The following ZSCAN1 variants were observed in gnomAD, a reference collection of about 807,000 sequenced individuals.
ZSCAN1 encodes the protein zinc finger and SCAN domain-containing protein 1.
A neutral mutation model predicts 23.8 loss-of-function variants in ZSCAN1; 23 were observed. The ratio of observed to expected loss-of-function variants is 0.97; its 90% CI spans 0.70 to 1.37. ZSCAN1 has a LOEUF of 1.37. ZSCAN1 is among the 40% of genes most tolerant of loss of function. ZSCAN1 has a pLI of 0.00. For synonymous variants in ZSCAN1, 236 were observed against 232.3 expected (o/e 1.02, Z -0.15); for missense variants, 575 against 554.0 (o/e 1.04, Z -0.38).
At chr19:58,036,949 G>A (rs1259170305) in intron 2 of ZSCAN1, among the ~76,000 whole-genome samples, 1 of 152,218 alleles carries the variant, frequency 6.6e-6, no homozygotes, top group African/African-American at 2.4e-5. Context: ...CTCCCAAAGT[G>A]CTGGGATTAC....
In ZSCAN1 at chr19:58,053,751, G is replaced by A. The variant is rs758364788; in HGVS notation, c.927G>A (p.Glu309=). 54 of 1,613,918 alleles carry A rather than the reference G, an allele frequency of 3.3e-5. No individual in the cohort carries two copies. The highest frequency in any genetic ancestry group is 1.8e-4 in the Admixed American group (11 of 60,002). ...TCACCTGGGTCACCCACTTCATCGA[G>A]CACCAGAAGACCCATCGCGAGGAAG... ...MVFTWVTHFI[E]HQKTHREEGP... The change falls in exon 6 of 6, where the codon GAG becomes GAA. Residue 309 remains glutamate (E), a synonymous_variant. Transcript: ENST00000282326. This position sits in a 1 kb window ranked among gnomAD's most constrained non-coding sequence, Gnocchi z 5.8.
At chr19:58,055,785 C>T (rs1436366930), downstream of ZSCAN1, among the ~76,000 whole-genome samples, 2 of 152,182 alleles carry the variant, frequency 1.3e-5, no homozygotes, top group Non-Finnish European at 2.9e-5. Flanking sequence ...CAGAGTTGCA[C>T]AAGAAAGTGG....
chr19:58,055,582 C>G (rs1324827751), downstream of ZSCAN1, among the ~76,000 whole-genome samples: 1 of 152,204 alleles, frequency 6.6e-6, no homozygotes, highest in Non-Finnish European at 1.5e-5. Flanking sequence ...CTTGGCCCCG[C>G]AGTCAGCCCA....
Position 58,053,872 on chromosome 19 carries a change from A to G in ZSCAN1, c.1048A>G (p.Lys350Glu). The G allele has an allele frequency of 6.2e-7, 1 of 1,613,752 alleles. No individual in the cohort carries two copies. Among genetic ancestry groups the G allele is most frequent in the Non-Finnish European group, 8.5e-7 (1 of 1,179,746 alleles). Residue 350 changes from lysine (K) to glutamate (E), a missense_variant, in exon 6 of 6, where the codon AAA becomes GAA. Coordinates refer to ENST00000282326, the MANE Select transcript of ZSCAN1 (RefSeq NM_182572.4). The surrounding 1 kb of genome is among the most constrained non-coding windows in gnomAD (Gnocchi z 5.8). Reference sequence around the variant, plus strand: ...CCACCTGCTGGAGCCACCGAGGAAGAAAGCCCCCCGGAGCAAGGGCCCCCG... The same window carrying G: ...CCACCTGCTGGAGCCACCGAGGAAGGAAGCCCCCCGGAGCAAGGGCCCCCG... ...KIHLLEPPRK[K>E]APRSKGPRES...
At chr19:58,044,769 C>T (rs545732627) in intron 4 of ZSCAN1, 16 of 723,316 alleles carry the variant, frequency 2.2e-5, no homozygotes, top group Non-Finnish European at 4.1e-5. Flanking sequence ...CCCACCCTGC[C>T]TACCCGTGCT....
rs1021390770 is a variant in ZSCAN1, at chr19:58,049,683, G to A, written c.466-2807G>A. 3.3e-5 allele frequency among the ~76,000 whole-genome samples: 5 copies of A among 152,202 alleles called. No individual in the cohort carries two copies. Among genetic ancestry groups the A allele is most frequent in the South Asian group, 4.1e-4 (2 of 4,820 alleles). On this transcript the variant is annotated intron_variant, in intron 4 of 5. Transcript: ENST00000282326. This position sits in a 1 kb window ranked among gnomAD's most constrained non-coding sequence, Gnocchi z 4.5. Reference sequence around the variant, plus strand: ...TTGAGGGTAGCACTCTAAGGTCCCTGAGATCCCATGGGCGTATCTCCCTGA... The same window carrying A: ...TTGAGGGTAGCACTCTAAGGTCCCTAAGATCCCATGGGCGTATCTCCCTGA...
At chr19:58,044,080 G>A (rs1367429871) in intron 4 of ZSCAN1, among the ~76,000 whole-genome samples, 1 of 151,940 alleles carries the variant, frequency 6.6e-6, no homozygotes, top group Non-Finnish European at 1.5e-5. Context: ...AGACCAGCGT[G>A]GCCAACATGG....
Position 58,040,623 on chromosome 19 carries a change from C to A in ZSCAN1, c.465+79C>A. The A allele has an allele frequency of 1.4e-6, 2 of 1,419,434 alleles. No individual in the cohort carries two copies. Among genetic ancestry groups the A allele is most frequent in the Non-Finnish European group, 2.0e-6 (2 of 1,010,666 alleles). 87.9% of individuals were successfully genotyped at this position (1,419,434 alleles called of 1,614,324 possible). A position where few individuals can be genotyped will look rare whatever the true frequency, so the allele number is the denominator to read the frequency against. On this transcript the variant is annotated intron_variant, in intron 4 of 5. Coordinates refer to ENST00000282326, the MANE Select transcript of ZSCAN1 (RefSeq NM_182572.4). The surrounding 1 kb of genome is among the most constrained non-coding windows in gnomAD (Gnocchi z 5.8). ...CTTCTGGGACGGCCTCAAGGATGCC[C>A]CATCCAAGGACTGTGTGAGGTTGTC...
chr19:58,048,078 C>T (rs1421313178), intron 4 of ZSCAN1, among the ~76,000 whole-genome samples: 1 of 152,222 alleles, frequency 6.6e-6, no homozygotes, highest in Non-Finnish European at 1.5e-5. Flanking sequence ...GATGCCTTCT[C>T]CATTACTTGA....
chr19:58,047,267 G>T lies in ZSCAN1; in HGVS notation c.466-5223G>T, dbSNP rs2073832235. ...TCAGCATCAATAGACCTGTCTTCCTGCATGCTTTTAGTTGGATCTGGGTCA... is the reference window on the plus strand; with the variant it reads ...TCAGCATCAATAGACCTGTCTTCCTTCATGCTTTTAGTTGGATCTGGGTCA... On this transcript the variant is annotated intron_variant, in intron 4 of 5. Coordinates refer to ENST00000282326, the MANE Select transcript of ZSCAN1 (RefSeq NM_182572.4). The surrounding 1 kb of genome is among the most constrained non-coding windows in gnomAD (Gnocchi z 4.9). Among the ~76,000 whole-genome samples, 1 of 152,242 alleles carries T rather than the reference G, an allele frequency of 6.6e-6. No individual in the cohort carries two copies. Among genetic ancestry groups the T allele is most frequent in the Non-Finnish European group, 1.5e-5 (1 of 68,046 alleles).
chr19:58,054,058 A>G lies in ZSCAN1; in HGVS notation c.*7A>G. On this transcript the variant is annotated 3_prime_UTR_variant, in exon 6 of 6. Transcript: ENST00000282326. This position sits in a 1 kb window ranked among gnomAD's most constrained non-coding sequence, Gnocchi z 4.2. Reference sequence around the variant, plus strand: ...GGCCCACGGCCACATGTGAATGGCCAGCCTCGGGCCTCGGCCACCCGGCCC... The same window carrying G: ...GGCCCACGGCCACATGTGAATGGCCGGCCTCGGGCCTCGGCCACCCGGCCC... The G allele has an allele frequency of 6.7e-7, 1 of 1,493,814 alleles. No homozygotes were observed. The highest frequency in any genetic ancestry group is 8.9e-7 in the Non-Finnish European group (1 of 1,123,014). 92.5% of individuals were successfully genotyped at this position (1,493,814 alleles called of 1,614,324 possible). A position where few individuals can be genotyped will look rare whatever the true frequency, so the allele number is the denominator to read the frequency against.
intron 5 of ZSCAN1, 86 bp downstream of exon 5, chr19:58,052,714 G>A (rs1203474968): frequency 4.0e-6 from 6 of 1,499,858 alleles, no homozygotes; most frequent in Admixed American, 2.2e-5. Context: ...AATGGGTTGA[G>A]TTGGGTGCTT....
Position 58,054,089 on chromosome 19 carries a change from C to T in ZSCAN1, c.*38C>T. 1 of 1,450,992 alleles carries T rather than the reference C, an allele frequency of 6.9e-7. No homozygotes were observed. The allele number at this position is 1,450,992 out of a possible 1,614,324, so 89.9% of individuals were successfully genotyped here. On this transcript the variant is annotated 3_prime_UTR_variant, in exon 6 of 6. Coordinates refer to ENST00000282326, the MANE Select transcript of ZSCAN1 (RefSeq NM_182572.4). This position sits in a 1 kb window ranked among gnomAD's most constrained non-coding sequence, Gnocchi z 4.2. ...GGGCCTCGGCCACCCGGCCCTGAGT[C>T]CCTGGGGGGAGCTGATGGGCCCCAG... is the stretch of plus-strand genomic sequence containing the variant.
rs1352637810 is a variant in ZSCAN1, at chr19:58,040,848, T to C, written c.465+304T>C. On this transcript the variant is annotated intron_variant, in intron 4 of 5. Coordinates refer to ENST00000282326, the MANE Select transcript of ZSCAN1 (RefSeq NM_182572.4). The surrounding 1 kb of genome is among the most constrained non-coding windows in gnomAD (Gnocchi z 5.8). Reference sequence around the variant, plus strand: ...ATCCTCCTGTGTCACCCGCACCAGATGCTGCGTGTGTTGAGAAAGTCCTGC... The same window carrying C: ...ATCCTCCTGTGTCACCCGCACCAGACGCTGCGTGTGTTGAGAAAGTCCTGC... Among the ~76,000 whole-genome samples, 1 of 152,182 alleles carries C rather than the reference T, an allele frequency of 6.6e-6. No homozygotes were observed. Among genetic ancestry groups the C allele is most frequent in the Admixed American group, 6.5e-5 (1 of 15,286 alleles).
At chr19:58,044,340 C>A (rs1184556559) in intron 4 of ZSCAN1, among the ~76,000 whole-genome samples, 1 of 152,148 alleles carries the variant, frequency 6.6e-6, no homozygotes, top group Non-Finnish European at 1.5e-5. Flanking sequence ...CATTATCCCA[C>A]AGAAAGGTTA....
chr19:58,035,186 T>TG (rs888009216), intron 1 of ZSCAN1, among the ~76,000 whole-genome samples: 4 of 151,860 alleles, frequency 2.6e-5, no homozygotes, highest in Non-Finnish European at 4.4e-5. Flanking sequence ...GCATTGCCCA[T>TG]GGGGGGGCCC....
chr19:58,052,462 C>T (rs2073863288), intron 4 of ZSCAN1, 28 bp from the exon 5 acceptor site: 1 of 1,613,438 alleles, frequency 6.2e-7, no homozygotes, highest in African/African-American at 1.3e-5. Context: ...GGGGCAGCTG[C>T]CGAACAGTCC....
In ZSCAN1 at chr19:58,054,084, T is replaced by C; in HGVS notation, c.*33T>C. The C allele has an allele frequency of 6.9e-7, 1 of 1,457,030 alleles. No homozygotes were observed. Among genetic ancestry groups the C allele is most frequent in the Admixed American group, 2.6e-5 (1 of 38,526 alleles). 90.3% of individuals were successfully genotyped at this position (1,457,030 alleles called of 1,614,324 possible). A position where few individuals can be genotyped will look rare whatever the true frequency, so the allele number is the denominator to read the frequency against. On this transcript the variant is annotated 3_prime_UTR_variant, in exon 6 of 6. Transcript: ENST00000282326. This position sits in a 1 kb window ranked among gnomAD's most constrained non-coding sequence, Gnocchi z 4.2. ...GCCTCGGGCCTCGGCCACCCGGCCC[T>C]GAGTCCCTGGGGGGAGCTGATGGGC...
In ZSCAN1 at chr19:58,045,433, A is replaced by G; in HGVS notation, c.465+4889A>G. On this transcript the variant is annotated intron_variant, in intron 4 of 5. Transcript: ENST00000282326. This position sits in a 1 kb window ranked among gnomAD's most constrained non-coding sequence, Gnocchi z 4.3. ...GAGGCAGCCAAGGGCAGTGCCACCA[A>G]AGACTTCTCTGTGTTTTTCCAGAAG... 9.1e-7 allele frequency: 1 copy of G among 1,102,912 alleles called. No individual in the cohort carries two copies. The highest frequency in any genetic ancestry group is 1.4e-6 in the Non-Finnish European group (1 of 712,846). 68.3% of individuals were successfully genotyped at this position (1,102,912 alleles called of 1,614,324 possible). A position where few individuals can be genotyped will look rare whatever the true frequency, so the allele number is the denominator to read the frequency against.
Sources: gnomAD v4.1 joint callset for allele counts (sites outside exome capture counted in the v4.1 genomes callset) on GRCh38, gnomAD v4.1.1 for gene constraint, Gnocchi (gnomAD v3.1) non-coding constraint, MANE v1.5 for transcripts, NCBI Gene and HGNC (gene_info 2026-07-23, HGNC 2026-07-21) for gene names.